Variants in MTSS1 observed in about 807,000 individuals in gnomAD.
MTSS1 encodes protein MTSS 1.
Under a neutral mutation model 79.0 loss-of-function variants are expected in MTSS1, and 18 were observed. The ratio of observed to expected loss-of-function variants is 0.23; its 90% confidence interval spans 0.16 to 0.34. MTSS1 has a LOEUF of 0.34. Ranked by LOEUF, MTSS1 falls within the 10% of genes least tolerant of loss-of-function variation. MTSS1 has a pLI of 1.00. For synonymous variants in MTSS1, 341 were observed against 368.6 expected (o/e 0.93, Z 0.86); for missense variants, 815 against 986.2 (o/e 0.83, Z 2.33).
In MTSS1 at chr8:124,584,973, G is replaced by C; in HGVS notation, c.460+114C>G. ...AGATAGGTCCTATTTGCTCCCACCT[G>C]TTTTCCAGGGCCGTCATACTTAAGG... On this transcript the variant is annotated intron_variant, in intron 6 of 13. Transcript: ENST00000518547. 3 of 840,318 alleles carry C rather than the reference G, an allele frequency of 3.6e-6. No homozygotes were observed. In the South Asian group the frequency reaches 4.8e-5, roughly 13 times the overall value. The allele number at this position is 840,318 out of a possible 1,614,324, so 52.1% of individuals were successfully genotyped here.
intron 3 of MTSS1, among the ~76,000 whole-genome samples, chr8:124,606,171 G>GTTTTTT (rs11351219): frequency 6.8e-5 from 6 of 88,876 alleles, no homozygotes; most frequent in East Asian, 3.4e-4. Flanking sequence ...TTGGTTTTTT[G>GTTTTTT]TTTTTTTTTT....
chr8:124,567,661 A>G, intron 7 of MTSS1: 1 of 1,395,844 alleles, frequency 7.2e-7, no homozygotes, highest in Non-Finnish European at 9.3e-7. Flanking sequence ...TTAGTAAAAG[A>G]CAAGTAAGAC....
intron 1 of MTSS1, among the ~76,000 whole-genome samples, chr8:124,708,941 A>G (rs1435204684): frequency 6.6e-6 from 1 of 152,186 alleles, no homozygotes; most frequent in Non-Finnish European, 1.5e-5. Flanking sequence ...AATGAAAAAA[A>G]AAAAAAGTGA....
chr8:124,607,120 A>G (rs1004960460), intron 3 of MTSS1, among the ~76,000 whole-genome samples: 1 of 152,230 alleles, frequency 6.6e-6, no homozygotes, highest in Admixed American at 6.5e-5. Flanking sequence ...AACCAGGCAG[A>G]CATGCCAAGC....
intron 3 of MTSS1, among the ~76,000 whole-genome samples, chr8:124,668,240 C>A (rs1823488420): frequency 6.6e-6 from 1 of 152,172 alleles, no homozygotes; most frequent in South Asian, 2.1e-4. Context: ...TGTTTTCTCA[C>A]AGGCACAATC....
chr8:124,555,952 T>G (rs1255660822), intron 12 of MTSS1, 48 bp from the exon 13 acceptor site: 2 of 1,572,010 alleles, frequency 1.3e-6, no homozygotes, highest in Non-Finnish European at 1.7e-6. Context: ...GGGGGGGGGC[T>G]CAACAGCACT....
intron 3 of MTSS1, among the ~76,000 whole-genome samples, chr8:124,685,360 G>T (rs1249549490): frequency 6.6e-6 from 1 of 152,244 alleles, no homozygotes; most frequent in East Asian, 1.9e-4. Context: ...CCTGGATGCA[G>T]TGACCCATGC....
chr8:124,570,686 G>A (rs1827572518), intron 6 of MTSS1, among the ~76,000 whole-genome samples: 1 of 152,122 alleles, frequency 6.6e-6, no homozygotes, highest in South Asian at 2.1e-4. Flanking sequence ...GAAATTTGCT[G>A]CTTGAGAAGT....
At chr8:124,656,790 A>G (rs1458704710) in intron 3 of MTSS1, among the ~76,000 whole-genome samples, 2 of 151,420 alleles carry the variant, frequency 1.3e-5, no homozygotes, top group Non-Finnish European at 2.9e-5. Flanking sequence ...TCAAAAAAAA[A>G]AAAAAAAAAG....
chr8:124,716,828 A>G (rs1832075072), intron 1 of MTSS1, among the ~76,000 whole-genome samples: 1 of 152,106 alleles, frequency 6.6e-6, no homozygotes, highest in Non-Finnish European at 1.5e-5. Context: ...GCCCTCAAAC[A>G]TGGGAATTGG....
At chr8:124,671,262 C>T (rs900772686) in intron 3 of MTSS1, among the ~76,000 whole-genome samples, 3 of 152,104 alleles carry the variant, frequency 2.0e-5, no homozygotes, top group African/African-American at 7.2e-5. Context: ...GACCTCATGA[C>T]CCGCACCAAC....
chr8:124,588,803 C>T (rs1345434150), intron 5 of MTSS1, among the ~76,000 whole-genome samples: 3 of 152,182 alleles, frequency 2.0e-5, no homozygotes, highest in African/African-American at 7.2e-5. Flanking sequence ...CAACCTCTGC[C>T]TCCTGGGTTC....
chr8:124,644,905 G>A (rs1818724192), intron 3 of MTSS1, among the ~76,000 whole-genome samples: 1 of 152,144 alleles, frequency 6.6e-6, no homozygotes, highest in Non-Finnish European at 1.5e-5. Context: ...TGTCTAGCTG[G>A]ATAAACTGAA....
At chr8:124,608,701 T>C (rs533647124) in intron 3 of MTSS1, among the ~76,000 whole-genome samples, 1 of 152,318 alleles carries the variant, frequency 6.6e-6, no homozygotes, top group African/African-American at 2.4e-5. Flanking sequence ...GGATGGTAAA[T>C]CAGTTTATCT....
chr8:124,685,124 A>G (rs560894288), intron 3 of MTSS1, among the ~76,000 whole-genome samples: 4 of 152,366 alleles, frequency 2.6e-5, no homozygotes, highest in Non-Finnish European at 5.9e-5. Flanking sequence ...GACATTAAGT[A>G]TATTCACATT....
At chr8:124,658,267 T>C (rs1821341314) in intron 3 of MTSS1, among the ~76,000 whole-genome samples, 1 of 152,178 alleles carries the variant, frequency 6.6e-6, no homozygotes, top group Non-Finnish European at 1.5e-5. Flanking sequence ...TGGTTTCCCC[T>C]ATACTGTTAT....
At chr8:124,682,981 A>G (rs1334039136) in intron 3 of MTSS1, among the ~76,000 whole-genome samples, 3 of 152,156 alleles carry the variant, frequency 2.0e-5, no homozygotes, top group African/African-American at 7.2e-5. Context: ...AAAGCTGACA[A>G]ATGGTCATCC....
intron 3 of MTSS1, among the ~76,000 whole-genome samples, chr8:124,644,254 G>A (rs1818609107): frequency 6.6e-6 from 1 of 152,168 alleles, no homozygotes; most frequent in Non-Finnish European, 1.5e-5. Context: ...TAGCATTTTG[G>A]TTTCCTTGGC....
At chr8:124,673,324 A>T (rs1265568654) in intron 3 of MTSS1, 2 of 151,694 alleles carry the variant, frequency 1.3e-5, no homozygotes, top group African/African-American at 2.4e-5. Flanking sequence ...TGGAGGTTGC[A>T]GTGAGCCTAG....
Sources: allele counts gnomAD v4.1 joint callset (sites outside exome capture counted in the v4.1 genomes callset), GRCh38; gene constraint gnomAD v4.1.1; transcripts MANE v1.5; gene names NCBI Gene and HGNC (gene_info 2026-07-23, HGNC 2026-07-21).